Variants in ZRANB2 observed in about 807,000 individuals in gnomAD.
The protein encoded by ZRANB2 is zinc finger Ran-binding domain-containing protein 2.
Under a neutral mutation model 53.4 loss-of-function variants are expected in ZRANB2, and 19 were observed. That is an observed-to-expected ratio of 0.36 (90% CI 0.25 to 0.52). ZRANB2 has a LOEUF of 0.52. Among genes scored for constraint, ZRANB2 ranks in the 20% least tolerant of loss-of-function variants. The pLI, the probability that ZRANB2 is intolerant of heterozygous loss-of-function variation, is 0.93. For missense variants in ZRANB2, 309 were observed against 401.1 expected (o/e 0.77, Z 1.96); for synonymous variants, 145 against 134.8 (o/e 1.08, Z -0.52).
rs528401340 is a variant in ZRANB2, at chr1:71,069,594, T to C, written c.684-232A>G. Reference sequence around the variant, plus strand: ...AAATTACCCTAAAGCCACTCAACTATAAAACAAAACATTATCACTTTATTA... The same window carrying C: ...AAATTACCCTAAAGCCACTCAACTACAAAACAAAACATTATCACTTTATTA... On this transcript the variant is annotated intron_variant, in intron 7 of 9. Transcript: ENST00000370920. 7 of 303,846 alleles carry C rather than the reference T, an allele frequency of 2.3e-5. No homozygotes were observed. The South Asian group carries it at 5.5e-4, about 24-fold the overall frequency. 18.8% of individuals were successfully genotyped at this position (303,846 alleles called of 1,614,324 possible).
rs1241388513 is a variant in ZRANB2, at chr1:71,072,311, C to T, written c.379-56G>A. ...AGCTGATAATGCATTAAACTTAATA[C>T]ATTTTCTAAAAAATTATTTTAGATA... On this transcript the variant is annotated intron_variant, in intron 5 of 9. Coordinates refer to ENST00000370920, the MANE Select transcript of ZRANB2 (RefSeq NM_203350.3). 1.5e-5 allele frequency: 22 copies of T among 1,506,638 alleles called. No individual in the cohort carries two copies. The Admixed American group carries it at 4.9e-4, about 33-fold the overall frequency. The allele number at this position is 1,506,638 out of a possible 1,614,324, so 93.3% of individuals were successfully genotyped here.
intron 3 of ZRANB2, 145 bp from the exon 4 acceptor site, chr1:71,077,022 T>G (rs1661724488): frequency 1.5e-6 from 1 of 675,016 alleles, no homozygotes; most frequent in Non-Finnish European, 2.5e-6. Context: ...ACAAAGAAAA[T>G]GTACAGTGGC....
chr1:71,071,070 G>A lies in ZRANB2; in HGVS notation c.514-74C>T. ...ACCAGGAAAGATAAAACAGTTAGGT[G>A]TACTGAGCACCTCCATATGCATATA... On this transcript the variant is annotated intron_variant, in intron 6 of 9. Coordinates refer to ENST00000370920, the MANE Select transcript of ZRANB2 (RefSeq NM_203350.3). 2.3e-6 allele frequency: 3 copies of A among 1,321,646 alleles called. No homozygotes were observed. In the South Asian group the frequency reaches 5.1e-5, roughly 22 times the overall value. The allele number at this position is 1,321,646 out of a possible 1,614,324, so 81.9% of individuals were successfully genotyped here.
intron 7 of ZRANB2, among the ~76,000 whole-genome samples, chr1:71,069,867 T>C (rs2101044751): frequency 6.6e-6 from 1 of 152,280 alleles, no homozygotes; most frequent in South Asian, 2.1e-4. Flanking sequence ...AATTCTGTCA[T>C]TGTTAGGTAA....
In ZRANB2 at chr1:71,080,923, A is replaced by G. The variant is rs759313363; in HGVS notation, c.56+17T>C. The G allele has an allele frequency of 1.4e-5, 22 of 1,613,692 alleles. No homozygotes were observed. The African/African-American group carries it at 2.5e-4, about 19-fold the overall frequency. On this transcript the variant is annotated intron_variant, in intron 1 of 9. Transcript: ENST00000370920. ...CTAACAAACTCCGTCCCAATTCAGG[A>G]CCCTTCTTGAACTCACTTTTTGTCA...
At chr1:71,075,699 G>A (rs538960388) in intron 4 of ZRANB2, among the ~76,000 whole-genome samples, 1 of 151,996 alleles carries the variant, frequency 6.6e-6, no homozygotes, top group African/African-American at 2.4e-5. Context: ...CGGTGAAGGA[G>A]GTACGGTGCA....
intron 5 of ZRANB2, 94 bp from the exon 6 acceptor site, chr1:71,072,349 T>C: frequency 6.9e-7 from 1 of 1,455,456 alleles, no homozygotes; most frequent in Non-Finnish European, 9.3e-7. Context: ...TATGATTTCC[T>C]GAAAATGATC....
intron 9 of ZRANB2, chr1:71,065,703 G>A (rs1661410914): frequency 6.2e-7 from 1 of 1,612,236 alleles, no homozygotes; most frequent in Non-Finnish European, 8.5e-7. Context: ...GTGTTCCGTA[G>A]GGGTTGGCCC....
chr1:71,074,166 A>T (rs1661656255), intron 4 of ZRANB2, among the ~76,000 whole-genome samples: 1 of 152,106 alleles, frequency 6.6e-6, no homozygotes, highest in African/African-American at 2.4e-5. Context: ...GGACTTCATT[A>T]ATCTTTGGTG....
At chr1:71,072,756 GCTCTTTTCAATTC>G (rs1661621960) in intron 4 of ZRANB2, among the ~76,000 whole-genome samples, 4 of 152,056 alleles carry the variant, frequency 2.6e-5, no homozygotes, top group African/African-American at 9.7e-5. Context: ...TGTACTTCTA[GCTCTTTTCAATTC>G]CAAATTGCCC....
chr1:71,078,783 T>C, intron 1 of ZRANB2, 75 bp from the exon 2 acceptor site: 2 of 1,236,806 alleles, frequency 1.6e-6, no homozygotes, highest in Non-Finnish European at 2.3e-6. Context: ...CCTCACTACA[T>C]ATCTGGAATT....
chr1:71,073,142 A>C (rs1661630825), intron 4 of ZRANB2, among the ~76,000 whole-genome samples: 4 of 152,242 alleles, frequency 2.6e-5, no homozygotes, highest in African/African-American at 9.6e-5. Context: ...TTTTGAAATT[A>C]AATGATTCTA....
intron 4 of ZRANB2, among the ~76,000 whole-genome samples, chr1:71,075,810 T>C (rs1381799975): frequency 6.6e-6 from 1 of 151,324 alleles, no homozygotes; most frequent in Non-Finnish European, 1.5e-5. Context: ...TAAGGCAGGA[T>C]TTGAGGGTTG....
intron 9 of ZRANB2, chr1:71,065,766 G>A (rs1287591958): frequency 1.9e-6 from 3 of 1,612,178 alleles, no homozygotes; most frequent in Non-Finnish European, 1.7e-6. Context: ...ATGGAATAGA[G>A]AACATGTTCA....
At chr1:71,077,700 A>T (rs1056738796) in intron 3 of ZRANB2, among the ~76,000 whole-genome samples, 4 of 152,016 alleles carry the variant, frequency 2.6e-5, no homozygotes, top group African/African-American at 4.8e-5. Flanking sequence ...CCAAAAATAT[A>T]AAAAAATGAG....
chr1:71,073,947 G>A (rs909242975), intron 4 of ZRANB2, among the ~76,000 whole-genome samples: 16 of 152,054 alleles, frequency 1.1e-4, no homozygotes, highest in Non-Finnish European at 1.8e-4. Context: ...CTGAATACCT[G>A]AGATAGTGGA....
chr1:71,070,655 C>G lies in ZRANB2; in HGVS notation c.683+172G>C, dbSNP rs552974957. ...CTAAGACTTTACTTTTCTAAAAATACTGGACAACAACTGTATGGTACTAAG... is the reference window on the plus strand; with the variant it reads ...CTAAGACTTTACTTTTCTAAAAATAGTGGACAACAACTGTATGGTACTAAG... On this transcript the variant is annotated intron_variant, in intron 7 of 9. Transcript: ENST00000370920. Among the ~76,000 whole-genome samples, 4 of 152,208 alleles carry G rather than the reference C, an allele frequency of 2.6e-5. No individual in the cohort carries two copies. In the East Asian group the frequency reaches 5.8e-4, roughly 22 times the overall value.
chr1:71,067,616 T>C (rs1167713087), intron 8 of ZRANB2: 5 of 431,372 alleles, frequency 1.2e-5, no homozygotes, highest in Admixed American at 3.1e-5. Flanking sequence ...TTGTATATTT[T>C]GGTTGAAGGA....
At position 71,081,009 on chromosome 1, in the gene ZRANB2, A is replaced by C. The variant is rs371061544; in HGVS notation, c.-14T>G. The C allele has an allele frequency of 3.1e-6, 5 of 1,613,996 alleles. No homozygotes were observed. The highest frequency in any genetic ancestry group is 3.4e-6 in the Non-Finnish European group (4 of 1,180,022). On this transcript the variant is annotated 5_prime_UTR_variant, in exon 1 of 10. Transcript: ENST00000370920. ...CTTGGTCGACATCTTGAACGCCACCAGCACAGCCACCCGCAGCTATGTCTT... is the reference window on the plus strand; with the variant it reads ...CTTGGTCGACATCTTGAACGCCACCCGCACAGCCACCCGCAGCTATGTCTT...
Sources: gnomAD v4.1 joint callset for allele counts (sites outside exome capture counted in the v4.1 genomes callset) on GRCh38, gnomAD v4.1.1 for gene constraint, MANE v1.5 for transcripts, NCBI Gene and HGNC (gene_info 2026-07-23, HGNC 2026-07-21) for gene names.